The following GPC4 variants were observed in gnomAD, a reference collection of about 807,000 sequenced individuals.
GPC4 encodes the protein glypican 4.
Under a neutral mutation model 35.0 loss-of-function variants are expected in GPC4, and 10 were observed. The ratio of observed to expected loss-of-function variants is 0.29; its 90% CI spans 0.18 to 0.48. The LOEUF is 0.48. GPC4 is among the 20% of genes least tolerant of loss of function. The pLI is 0.99. For missense variants in GPC4, 322 were observed against 451.3 expected (o/e 0.71, Z 2.60); for synonymous variants, 167 against 170.2 (o/e 0.98, Z 0.15).
chrX:133,385,657 A>G (rs946038381), intron 1 of GPC4, among the ~76,000 whole-genome samples: 6 of 111,775 alleles, frequency 5.4e-5, no homozygotes, highest in African/African-American at 2.0e-4. Context: ...TGTGAAGTTA[A>G]TAACAGATTC....
At chrX:133,338,521 G>A (rs2068453783) in intron 2 of GPC4, among the ~76,000 whole-genome samples, 1 of 111,552 alleles carries the variant, frequency 9.0e-6, no homozygotes, top group African/African-American at 3.3e-5. Context: ...GGCTCATATT[G>A]GCTATTTCTT....
chrX:133,386,810 T>C (rs1223003781), intron 1 of GPC4, among the ~76,000 whole-genome samples: 1 of 112,138 alleles, frequency 8.9e-6, no homozygotes, highest in Non-Finnish European at 1.9e-5. Context: ...AAGCCAATTT[T>C]ATGCAGAATT....
At chrX:133,322,261 T>C (rs767676933) in intron 3 of GPC4, among the ~76,000 whole-genome samples, 12 of 110,421 alleles carry the variant, frequency 1.1e-4, no homozygotes, top group East Asian at 2.9e-4. Flanking sequence ...CTGGCCAACA[T>C]GGTGAAACCC....
chrX:133,372,694 C>T (rs1198199417), intron 1 of GPC4, among the ~76,000 whole-genome samples: 1 of 112,117 alleles, frequency 8.9e-6, no homozygotes, highest in Non-Finnish European at 1.9e-5. Context: ...GCTGCACTTC[C>T]TGCTTATCAC....
At chrX:133,339,057 G>T in intron 2 of GPC4, 126 bp downstream of exon 2, 1 of 620,252 alleles carries the variant, frequency 1.6e-6, no homozygotes, top group Non-Finnish European at 2.5e-6. Flanking sequence ...GGGTAAACTC[G>T]TCTCTGGTAT....
intron 1 of GPC4, among the ~76,000 whole-genome samples, chrX:133,406,901 C>T (rs1167021355): frequency 9.1e-6 from 1 of 110,202 alleles, no homozygotes; most frequent in Non-Finnish European, 1.9e-5. Flanking sequence ...ATGGTGAATC[C>T]CCATCTCTAC....
intron 2 of GPC4, 82 bp from the exon 3 acceptor site, chrX:133,324,618 T>C: frequency 1.1e-6 from 1 of 917,244 alleles, no homozygotes; most frequent in African/African-American, 2.0e-5. Context: ...TCCAGTAAAT[T>C]TGAAAACTGG....
At chrX:133,312,654 G>GA (rs2068320796) in intron 3 of GPC4, among the ~76,000 whole-genome samples, 2 of 78,264 alleles carry the variant, frequency 2.6e-5, no homozygotes, top group African/African-American at 1.7e-4. Flanking sequence ...AGGAAGAAAG[G>GA]AAGAAGGAAA....
intron 1 of GPC4, among the ~76,000 whole-genome samples, chrX:133,385,846 A>T (rs148607174): frequency 1.8e-5 from 2 of 110,284 alleles, no homozygotes; most frequent in African/African-American, 6.6e-5. Flanking sequence ...ACATGTGTAC[A>T]TATTATTAGG....
intron 1 of GPC4, among the ~76,000 whole-genome samples, chrX:133,390,029 A>G (rs920409128): frequency 2.7e-5 from 3 of 110,937 alleles, no homozygotes; most frequent in Non-Finnish European, 5.7e-5. Context: ...TTCATGCACA[A>G]CATTCCAGGC....
intron 6 of GPC4, among the ~76,000 whole-genome samples, chrX:133,305,180 G>C (rs986673603): frequency 9.0e-6 from 1 of 111,616 alleles, no homozygotes; most frequent in Non-Finnish European, 1.9e-5. Context: ...AAGGCTTTTA[G>C]AGTCAGGATC....
At chrX:133,366,083 C>T (rs1045590033) in intron 1 of GPC4, among the ~76,000 whole-genome samples, 3 of 111,798 alleles carry the variant, frequency 2.7e-5, no homozygotes, top group Non-Finnish European at 5.6e-5. Context: ...GCAGCCTTCC[C>T]AAGTCCTTAT....
At chrX:133,364,806 A>G (rs1020308942) in intron 1 of GPC4, among the ~76,000 whole-genome samples, 9 of 112,414 alleles carry the variant, frequency 8.0e-5, no homozygotes, top group African/African-American at 2.9e-4. Context: ...GCTGCTGAAA[A>G]TCTAAGAATA....
At chrX:133,372,369 G>A (rs1222899671) in intron 1 of GPC4, among the ~76,000 whole-genome samples, 1 of 109,972 alleles carries the variant, frequency 9.1e-6, no homozygotes, top group Admixed American at 9.8e-5. Flanking sequence ...AGAAATATGT[G>A]TAGTAGGGAG....
intron 1 of GPC4, among the ~76,000 whole-genome samples, chrX:133,354,815 G>A (rs1250074472): frequency 1.8e-5 from 2 of 109,401 alleles, no homozygotes; most frequent in African/African-American, 6.7e-5. Context: ...TGATCCACCC[G>A]CCTCAGCCTC....
chrX:133,332,158 T>C (rs1008738013), intron 2 of GPC4, among the ~76,000 whole-genome samples: 2 of 111,693 alleles, frequency 1.8e-5, no homozygotes, highest in Non-Finnish European at 3.8e-5. Flanking sequence ...TAAAGAAATA[T>C]ATAATTTTTT....
intron 1 of GPC4, among the ~76,000 whole-genome samples, chrX:133,399,473 C>A (rs751602372): frequency 3.6e-5 from 4 of 111,617 alleles, no homozygotes; most frequent in African/African-American, 1.3e-4. Context: ...CATTTGCTAG[C>A]TAAAGGTGAC....
intron 1 of GPC4, among the ~76,000 whole-genome samples, chrX:133,353,013 C>T (rs932218187): frequency 8.9e-6 from 1 of 111,856 alleles, no homozygotes; most frequent in African/African-American, 3.3e-5. Context: ...AAAGTTATTG[C>T]CTCTTTGTCA....
intron 1 of GPC4, among the ~76,000 whole-genome samples, chrX:133,412,386 A>G (rs143481847): frequency 9.0e-6 from 1 of 111,716 alleles, no homozygotes; most frequent in Non-Finnish European, 1.9e-5. Flanking sequence ...AATGCCTCTA[A>G]CACTCCACAT....
Sources: allele counts gnomAD v4.1 joint callset (sites outside exome capture counted in the v4.1 genomes callset), GRCh38; gene constraint gnomAD v4.1.1; transcripts MANE v1.5; gene names NCBI Gene and HGNC (gene_info 2026-07-23, HGNC 2026-07-21).